The following PTCHD4 variants were observed in gnomAD, a reference collection of about 807,000 sequenced individuals.
PTCHD4 encodes the protein patched domain containing 4.
A neutral mutation model predicts 58.1 loss-of-function variants in PTCHD4; 33 were observed. The observed-to-expected ratio is 0.57, with a 90% CI of 0.43 to 0.76. The LOEUF (loss-of-function observed/expected upper bound fraction) is 0.76. Ranked by LOEUF, PTCHD4 falls within the 30% of genes least tolerant of loss-of-function variation. The pLI is 0.00. For missense variants in PTCHD4, 1,058 were observed against 1,027.1 expected (o/e 1.03, Z -0.41); for synonymous variants, 478 against 409.6 (o/e 1.17, Z -2.02).
intron 3 of PTCHD4, among the ~76,000 whole-genome samples, chr6:48,046,357 A>G (rs893216632): frequency 7.2e-5 from 11 of 151,826 alleles, no homozygotes; most frequent in Non-Finnish European, 1.3e-4. Context: ...CACTGTTCCT[A>G]TGAAGCTTTT....
In PTCHD4 at chr6:47,861,720, C is replaced by T. The variant is rs1360074; in HGVS notation, c.*16583G>A. Among the ~76,000 whole-genome samples, 101,422 of 151,722 alleles carry T rather than the reference C, an allele frequency of 0.67. 34,376 individuals carry two copies. Among genetic ancestry groups the T allele is most frequent in the East Asian group, 0.78 (4,014 of 5,130 alleles). On this transcript the variant is annotated 3_prime_UTR_variant, in exon 5 of 5. Coordinates refer to ENST00000339488, the MANE Select transcript of PTCHD4 (RefSeq NM_001384253.1). ...ATAATAACTCTAGTTTTGCCAATGT[C>T]TCATAACAAATGTTTCAGTGAAAGC...
chr6:48,018,510 G>T (rs973606388), intron 3 of PTCHD4, among the ~76,000 whole-genome samples: 2 of 152,218 alleles, frequency 1.3e-5, no homozygotes, highest in Non-Finnish European at 2.9e-5. Flanking sequence ...CAAGTCATGT[G>T]TCTGCCCTTT....
chr6:48,070,451 G>C (rs1206753755), intron 1 of PTCHD4, among the ~76,000 whole-genome samples: 1 of 152,106 alleles, frequency 6.6e-6, no homozygotes, highest in Non-Finnish European at 1.5e-5. Flanking sequence ...ACACAGCAGA[G>C]AGCTCAGAAA....
rs1267263052 is a variant in PTCHD4, at chr6:47,879,224, T to A, written c.1611A>T (p.Arg537Ser). 1 of 1,612,916 alleles carries A rather than the reference T, an allele frequency of 6.2e-7. No individual in the cohort carries two copies. Among genetic ancestry groups the A allele is most frequent in the African/African-American group, 1.3e-5 (1 of 74,950 alleles). ...WNSSVQDDLRRLCSGFTAVSW... is the reference protein window; with the variant it reads ...WNSSVQDDLRSLCSGFTAVSW... ...ACACTGCAGTGAATCCACTACAGAG[T>A]CTTCTTAGGTCATCCTGGACGCTGC... The change falls in exon 5 of 5, where the codon AGA becomes AGT. Residue 537 changes from arginine (R) to serine (S), a missense_variant. Coordinates refer to ENST00000339488, the MANE Select transcript of PTCHD4 (RefSeq NM_001384253.1).
In PTCHD4 at chr6:47,864,895, T is replaced by G. The variant is rs963078066; in HGVS notation, c.*13408A>C. Reference sequence around the variant, plus strand: ...TACATATATATCCATCTTTGTCCAGTGCTGACATAACATTGCAATACTACA... The same window carrying G: ...TACATATATATCCATCTTTGTCCAGGGCTGACATAACATTGCAATACTACA... On this transcript the variant is annotated 3_prime_UTR_variant, in exon 5 of 5. Coordinates refer to ENST00000339488, the MANE Select transcript of PTCHD4 (RefSeq NM_001384253.1). Among the ~76,000 whole-genome samples the G allele has an allele frequency of 3.3e-5, 5 of 151,954 alleles. No individual in the cohort carries two copies. Among genetic ancestry groups the G allele is most frequent in the African/African-American group, 1.2e-4 (5 of 41,420 alleles).
At chr6:47,951,937 A>G (rs1766669651) in intron 4 of PTCHD4, among the ~76,000 whole-genome samples, 1 of 152,174 alleles carries the variant, frequency 6.6e-6, no homozygotes, top group African/African-American at 2.4e-5. Context: ...GTTCTAGAGT[A>G]GAAAATACAC....
At chr6:48,022,787 T>A (rs978866259) in intron 3 of PTCHD4, among the ~76,000 whole-genome samples, 2 of 152,150 alleles carry the variant, frequency 1.3e-5, no homozygotes, top group Non-Finnish European at 2.9e-5. Flanking sequence ...ATTTGTAAGG[T>A]ACCTGAATGA....
chr6:47,960,237 C>T lies in PTCHD4; in HGVS notation c.898+48397G>A, dbSNP rs188532278. 4.1e-4 allele frequency among the ~76,000 whole-genome samples: 62 copies of T among 151,736 alleles called. 1 individual carries two copies. Among genetic ancestry groups the T allele is most frequent in the Middle Eastern group, 3.4e-3 (1 of 292 alleles). On this transcript the variant is annotated intron_variant, in intron 4 of 4. Transcript: ENST00000339488. ...AAAGAATCATAGCTAATAAGCTAACCGAGGAGATAAGATAGAATAACAAAA... is the reference window on the plus strand; with the variant it reads ...AAAGAATCATAGCTAATAAGCTAACTGAGGAGATAAGATAGAATAACAAAA...
At chr6:47,951,268 A>G (rs1766636496) in intron 4 of PTCHD4, among the ~76,000 whole-genome samples, 1 of 152,178 alleles carries the variant, frequency 6.6e-6, no homozygotes, top group African/African-American at 2.4e-5. Flanking sequence ...CAGGGTTAGT[A>G]TATAGGGAGA....
At chr6:48,100,323 G>T (rs770480912) in intron 1 of PTCHD4, among the ~76,000 whole-genome samples, 19 of 152,148 alleles carry the variant, frequency 1.2e-4, no homozygotes, top group Non-Finnish European at 2.1e-4. Flanking sequence ...AAACAGTAGA[G>T]TAAACAAGAT....
intron 3 of PTCHD4, among the ~76,000 whole-genome samples, chr6:48,025,441 T>C (rs549173069): frequency 4.8e-4 from 73 of 152,342 alleles, no homozygotes; most frequent in Non-Finnish European, 9.0e-4. Context: ...AAACATTGCC[T>C]GTCATTCTCC....
chr6:47,990,448 T>C (rs1262620534), intron 4 of PTCHD4, among the ~76,000 whole-genome samples: 1 of 152,182 alleles, frequency 6.6e-6, no homozygotes, highest in Non-Finnish European at 1.5e-5. Flanking sequence ...CCACATGTTG[T>C]GGGAGGGACC....
At chr6:48,101,626 G>A (rs1010494468) in intron 1 of PTCHD4, among the ~76,000 whole-genome samples, 2 of 152,106 alleles carry the variant, frequency 1.3e-5, no homozygotes, top group African/African-American at 2.4e-5. Context: ...GTAGCCTCAC[G>A]ATTTATTATA....
chr6:48,110,340 T>C (rs1765839554), intron 1 of PTCHD4, among the ~76,000 whole-genome samples: 1 of 152,104 alleles, frequency 6.6e-6, no homozygotes, highest in Non-Finnish European at 1.5e-5. Flanking sequence ...TGAAGGACAC[T>C]TTGCTAAGTG....
chr6:47,910,445 GTTTA>G (rs759009205), intron 4 of PTCHD4, among the ~76,000 whole-genome samples: 1 of 152,038 alleles, frequency 6.6e-6, no homozygotes, highest in Non-Finnish European at 1.5e-5. Flanking sequence ...CTCATTGTGT[GTTTA>G]TTTTTTTCCT....
At chr6:47,935,959 A>G (rs1765985004) in intron 4 of PTCHD4, among the ~76,000 whole-genome samples, 1 of 152,242 alleles carries the variant, frequency 6.6e-6, no homozygotes, top group Non-Finnish European at 1.5e-5. Flanking sequence ...TGATAAGGTG[A>G]CATTTAAGCA....
Position 47,857,860 on chromosome 6 carries a change from G to A in PTCHD4, c.*20443C>T, listed in dbSNP as rs755706004. 1.1e-4 allele frequency among the ~76,000 whole-genome samples: 17 copies of A among 151,818 alleles called. No homozygotes were observed. Among genetic ancestry groups the A allele is most frequent in the African/African-American group, 4.1e-4 (17 of 41,344 alleles). On this transcript the variant is annotated 3_prime_UTR_variant, in exon 5 of 5. Coordinates refer to ENST00000339488, the MANE Select transcript of PTCHD4 (RefSeq NM_001384253.1). ...GGTACTTTAACATCTACCTCCCAAA[G>A]TTAATTTCATTATAATAATTTTTTA... is the stretch of plus-strand genomic sequence containing the variant.
rs530100766 is a variant in PTCHD4 at position 47,945,562 on chromosome 6, A to C, written c.898+63072T>G. ...TTTGCTTATTTTTACACTTTTTATA[A>C]ATGTAATCATTCTGCGTGTTATTTT... On this transcript the variant is annotated intron_variant, in intron 4 of 4. Coordinates refer to ENST00000339488, the MANE Select transcript of PTCHD4 (RefSeq NM_001384253.1). Among the ~76,000 whole-genome samples the C allele has an allele frequency of 3.9e-4, 59 of 152,106 alleles. 1 individual carries two copies. The highest frequency in any genetic ancestry group is 1.0e-3 in the South Asian group (5 of 4,826).
At chr6:47,990,559 G>A (rs1768245396) in intron 4 of PTCHD4, among the ~76,000 whole-genome samples, 1 of 152,078 alleles carries the variant, frequency 6.6e-6, no homozygotes, top group Non-Finnish European at 1.5e-5. Context: ...AGGGGTTTCT[G>A]CTTTTGCATC....
Sources: gnomAD v4.1 joint callset for allele counts (sites outside exome capture counted in the v4.1 genomes callset) on GRCh38, gnomAD v4.1.1 for gene constraint, MANE v1.5 for transcripts, NCBI Gene and HGNC (gene_info 2026-07-23, HGNC 2026-07-21) for gene names.